PACRG: variants seen among roughly 807,000 people sequenced by gnomAD.
PACRG encodes the protein parkin coregulated gene protein.
In PACRG, 29 loss-of-function variants were observed where a neutral mutation model predicts 29.7. The ratio of observed to expected loss-of-function variants is 0.98; its 90% CI spans 0.73 to 1.33. PACRG has a LOEUF of 1.33. Among genes scored for constraint, PACRG ranks in the 40% most tolerant of loss-of-function variants. The pLI is 0.00. For missense variants in PACRG, 279 were observed against 316.2 expected, an observed-to-expected ratio of 0.88 and a Z score of 0.89; for synonymous variants, 116 against 118.7, an observed-to-expected ratio of 0.98 and a Z score of 0.15.
At chr6:163,213,096 T>C (rs923409546) in intron 4 of PACRG, among the ~76,000 whole-genome samples, 9 of 152,132 alleles carry the variant, frequency 5.9e-5, no homozygotes, top group Non-Finnish European at 8.8e-5. Flanking sequence ...ACAATCTTAA[T>C]TGAAGGATCA....
chr6:163,249,172 C>G (rs1782809424), intron 4 of PACRG, among the ~76,000 whole-genome samples: 1 of 152,158 alleles, frequency 6.6e-6, no homozygotes, highest in Non-Finnish European at 1.5e-5. Flanking sequence ...GGCCTGTACG[C>G]TGAAACAAGG....
chr6:163,073,944 G>A (rs1812307196), intron 3 of PACRG, among the ~76,000 whole-genome samples: 2 of 152,112 alleles, frequency 1.3e-5, no homozygotes, highest in African/African-American at 2.4e-5. Context: ...TGTTGGTGAG[G>A]AAAAGGGAAC....
At chr6:162,906,073 C>T (rs545586441) in intron 2 of PACRG, among the ~76,000 whole-genome samples, 1 of 152,114 alleles carries the variant, frequency 6.6e-6, no homozygotes, top group South Asian at 2.1e-4. Context: ...AAATTGATTC[C>T]AACTGCGGCA....
chr6:163,154,783 G>T (rs538571807), intron 4 of PACRG, among the ~76,000 whole-genome samples: 92 of 152,264 alleles, frequency 6.0e-4, no homozygotes, highest in African/African-American at 2.2e-3. Flanking sequence ...GAGCATCTGT[G>T]TTTGATCAGG....
At chr6:162,825,889 A>T (rs1323400980) in intron 2 of PACRG, among the ~76,000 whole-genome samples, 1 of 152,012 alleles carries the variant, frequency 6.6e-6, no homozygotes, top group Non-Finnish European at 1.5e-5. Context: ...ATTTCTGGGG[A>T]CTTAGTATTT....
At chr6:163,210,176 C>T (rs1781077349) in intron 4 of PACRG, among the ~76,000 whole-genome samples, 1 of 152,166 alleles carries the variant, frequency 6.6e-6, no homozygotes, top group Admixed American at 6.5e-5. Context: ...CAATTACATC[C>T]AGACGATGAA....
intron 2 of PACRG, among the ~76,000 whole-genome samples, chr6:162,816,128 G>A (rs1371762470): frequency 1.3e-5 from 2 of 151,878 alleles, no homozygotes; most frequent in Non-Finnish European, 2.9e-5. Context: ...TCTTTTTTAT[G>A]GATATATTAA....
chr6:162,908,499 T>C (rs748641170), intron 2 of PACRG, among the ~76,000 whole-genome samples: 3 of 152,196 alleles, frequency 2.0e-5, no homozygotes, highest in Non-Finnish European at 2.9e-5. Flanking sequence ...CATCACTCAG[T>C]AGGCTCTCCA....
intron 1 of PACRG, among the ~76,000 whole-genome samples, chr6:162,766,824 A>G (rs908313103): frequency 1.3e-5 from 2 of 152,116 alleles, no homozygotes; most frequent in Non-Finnish European, 2.9e-5. Flanking sequence ...CATCTAACTC[A>G]GTAGTTTTTC....
At chr6:163,263,226 C>A (rs1252646526) in intron 4 of PACRG, among the ~76,000 whole-genome samples, 1 of 151,394 alleles carries the variant, frequency 6.6e-6, no homozygotes, top group Non-Finnish European at 1.5e-5. Flanking sequence ...AGAACCCTTC[C>A]CTTCCCATCC....
At chr6:162,905,151 G>A (rs1405979212) in intron 2 of PACRG, among the ~76,000 whole-genome samples, 4 of 152,158 alleles carry the variant, frequency 2.6e-5, no homozygotes, top group Non-Finnish European at 4.4e-5. Flanking sequence ...GTTGCCTGAC[G>A]CAGGAGGACT....
At position 163,169,254 on chromosome 6, in the gene PACRG, C is replaced by T. The variant is rs542027887; in HGVS notation, c.613+79846C>T. 3.9e-5 allele frequency among the ~76,000 whole-genome samples: 6 copies of T among 152,250 alleles called. No homozygotes were observed. The South Asian group carries it at 8.3e-4, about 21-fold the overall frequency. On this transcript the variant is annotated intron_variant, in intron 4 of 4. Transcript: ENST00000366888. ...GCGTGTATTATGATAAAGTAAACTACGGTTCATGGAGTCACATTTGATGTT... is the reference window on the plus strand; with the variant it reads ...GCGTGTATTATGATAAAGTAAACTATGGTTCATGGAGTCACATTTGATGTT...
rs377352285 is a variant in PACRG at position 162,747,474 on chromosome 6, CTA to C, written c.156+19101_156+19102del. Among the ~76,000 whole-genome samples the C allele has an allele frequency of 7.1e-3, 317 of 44,754 alleles. 44 individuals carry two copies. The highest frequency in any genetic ancestry group is 0.046 in the East Asian group (43 of 928). The allele number at this position is 44,754 out of a possible 152,430, so 29.4% of individuals were successfully genotyped here. A position where few individuals can be genotyped will look rare whatever the true frequency, so the allele number is the denominator to read the frequency against. On this transcript the variant is annotated intron_variant, in intron 1 of 4. Coordinates refer to ENST00000366888, the MANE Select transcript of PACRG (RefSeq NM_001080379.2). ...TATAACTATAAATATATATGTAAAA[CTA>C]TATATATATATATATATTCCATTAG...
At chr6:162,974,540 T>G (rs1801789106) in intron 2 of PACRG, among the ~76,000 whole-genome samples, 1 of 152,212 alleles carries the variant, frequency 6.6e-6, no homozygotes, top group Non-Finnish European at 1.5e-5. Flanking sequence ...TGGGATCTGT[T>G]GTATCTCCAT....
At chr6:162,831,136 C>G (rs1465097741) in intron 2 of PACRG, among the ~76,000 whole-genome samples, 2 of 151,998 alleles carry the variant, frequency 1.3e-5, no homozygotes, top group Non-Finnish European at 2.9e-5. Context: ...ATTTGGAGCA[C>G]GGAGGCAGGC....
intron 4 of PACRG, among the ~76,000 whole-genome samples, chr6:163,096,715 G>A (rs1489938329): frequency 6.6e-6 from 1 of 152,136 alleles, no homozygotes; most frequent in Non-Finnish European, 1.5e-5. Context: ...GGAATCGAGG[G>A]TAAGTGCTTT....
At chr6:163,061,742 T>C (rs1045286290) in intron 2 of PACRG, among the ~76,000 whole-genome samples, 2 of 152,236 alleles carry the variant, frequency 1.3e-5, no homozygotes, top group South Asian at 2.1e-4. Context: ...TCTTAGAACC[T>C]TGGGCACCAA....
intron 4 of PACRG, among the ~76,000 whole-genome samples, chr6:163,269,970 AG>A (rs1448356643): frequency 2.1e-5 from 2 of 96,400 alleles, no homozygotes; most frequent in African/African-American, 4.1e-5. Flanking sequence ...AAAGAAAGAA[AG>A]AAAGAAAGAA....
At position 163,240,881 on chromosome 6, in the gene PACRG, C is replaced by T. The variant is rs926301264; in HGVS notation, c.614-73946C>T. Among the ~76,000 whole-genome samples the T allele has an allele frequency of 5.3e-5, 8 of 152,316 alleles. No homozygotes were observed. In the South Asian group the frequency reaches 1.7e-3, roughly 32 times the overall value. Reference sequence around the variant, plus strand: ...GCTGCATCAGGCTTCCCTCCTCGCCCGTAGCAAGGGGCTTGCCCTTTTGCT... The same window carrying T: ...GCTGCATCAGGCTTCCCTCCTCGCCTGTAGCAAGGGGCTTGCCCTTTTGCT... On this transcript the variant is annotated intron_variant, in intron 4 of 4. Transcript: ENST00000366888.
Sources: allele counts gnomAD v4.1 joint callset (sites outside exome capture counted in the v4.1 genomes callset), GRCh38; gene constraint gnomAD v4.1.1; transcripts MANE v1.5; gene names NCBI Gene and HGNC (gene_info 2026-07-23, HGNC 2026-07-21).